TASP1: variants seen among roughly 807,000 people sequenced by gnomAD.
The protein encoded by TASP1 is threonine aspartase 1.
TASP1 carries 16 observed loss-of-function variants against 56.6 expected under a neutral mutation model. The ratio of observed to expected loss-of-function variants is 0.28; its 90% CI spans 0.19 to 0.43. The LOEUF (loss-of-function observed/expected upper bound fraction) is 0.43, where lower values mean the gene tolerates loss of function less well. Among genes scored for constraint, TASP1 ranks in the 20% least tolerant of loss-of-function variants. The pLI is 1.00. For missense variants in TASP1, 393 were observed against 511.6 expected (o/e 0.77, Z 2.24); for synonymous variants, 179 against 184.2 (o/e 0.97, Z 0.23).
chr20:13,374,682 G>A, the TASP1 span, among the ~76,000 whole-genome samples: 2 of 152,094 alleles, frequency 1.3e-5, no homozygotes, highest in African/African-American at 2.4e-5. Flanking sequence ...GACATTTTAG[G>A]TAACATTTTG....
the TASP1 span, among the ~76,000 whole-genome samples, chr20:13,234,472 G>A: frequency 0.025 from 3,840 of 152,236 alleles, 166 homozygotes; most frequent in African/African-American, 0.086. Flanking sequence ...ATATACTCAG[G>A]AGTGGGATTG....
At chr20:13,557,528 G>C in intron 8 of TASP1, among the ~76,000 whole-genome samples, 1 of 143,160 alleles carries the variant, frequency 7.0e-6, no homozygotes, top group East Asian at 2.2e-4. Context: ...TATAAAAACT[G>C]ATTAAATCAT....
chr20:13,550,141 T>C (rs1468360094), intron 8 of TASP1, among the ~76,000 whole-genome samples: 2 of 89,332 alleles, frequency 2.2e-5, no homozygotes, highest in South Asian at 3.1e-4. Flanking sequence ...ATGGAATATA[T>C]ACACATACAC....
chr20:13,323,738 A>T, the TASP1 span, among the ~76,000 whole-genome samples: 1 of 152,090 alleles, frequency 6.6e-6, no homozygotes, highest in Admixed American at 6.5e-5. Context: ...AAATGAGAGT[A>T]TTTAGTATTT....
chr20:13,269,804 ATTGT>A, the TASP1 span, among the ~76,000 whole-genome samples: 7 of 152,084 alleles, frequency 4.6e-5, no homozygotes, highest in African/African-American at 1.4e-4. Context: ...CTATGGATTT[ATTGT>A]TTATTTCCCT....
the TASP1 span, among the ~76,000 whole-genome samples, chr20:13,339,162 G>C: frequency 6.6e-6 from 1 of 152,194 alleles, no homozygotes; most frequent in East Asian, 1.9e-4. Flanking sequence ...ACATCCTGGA[G>C]CATATGCTGT....
intron 1 of TASP1, among the ~76,000 whole-genome samples, chr20:13,631,431 C>T (rs563215150): frequency 2.0e-5 from 3 of 152,242 alleles, no homozygotes; most frequent in African/African-American, 7.2e-5. Flanking sequence ...GCCTCAATTA[C>T]CTTTATTTTC....
chr20:13,305,185 T>C, the TASP1 span, among the ~76,000 whole-genome samples: 6 of 137,126 alleles, frequency 4.4e-5, no homozygotes, highest in Non-Finnish European at 9.2e-5. Context: ...TAGATTTTAA[T>C]ACCGTTGAGT....
At chr20:13,221,219 ACTCCTCCTCCTCCTCCTCCTCCTCCTC>A in the TASP1 span, among the ~76,000 whole-genome samples, 1 of 82,726 alleles carries the variant, frequency 1.2e-5, no homozygotes, top group Admixed American at 1.3e-4. Flanking sequence ...AAGCCCTCCT[ACTCCTCCTCCTCCTCCTCCTCCTCCTC>A]CTCCTCCTCC....
chr20:13,166,542 C>T, the TASP1 span: 1 of 152,116 alleles, frequency 6.6e-6, no homozygotes, highest in Admixed American at 6.5e-5. Context: ...CAACTTTTCT[C>T]AATGAAACTG....
At chr20:13,495,948 A>T (rs1193263247) in intron 10 of TASP1, among the ~76,000 whole-genome samples, 1 of 152,150 alleles carries the variant, frequency 6.6e-6, no homozygotes, top group Non-Finnish European at 1.5e-5. Context: ...TAGATTCCAT[A>T]GGGTCTACAA....
the TASP1 span, among the ~76,000 whole-genome samples, chr20:13,269,493 C>T: frequency 6.6e-6 from 1 of 152,340 alleles, no homozygotes; most frequent in African/African-American, 2.4e-5. Context: ...TCCTCATCAC[C>T]TATGGTTCTT....
chr20:13,301,262 C>T, the TASP1 span, among the ~76,000 whole-genome samples: 1 of 152,166 alleles, frequency 6.6e-6, no homozygotes, highest in Non-Finnish European at 1.5e-5. Flanking sequence ...GATCTTGACT[C>T]ACCACAACTT....
At chr20:13,505,922 A>G (rs1213253123) in intron 10 of TASP1, among the ~76,000 whole-genome samples, 1 of 152,162 alleles carries the variant, frequency 6.6e-6, no homozygotes, top group Admixed American at 6.5e-5. Flanking sequence ...GCAGAAATAA[A>G]TAAAATCAAG....
chr20:13,446,080 A>G (rs2043400237), intron 11 of TASP1, among the ~76,000 whole-genome samples: 1 of 152,182 alleles, frequency 6.6e-6, no homozygotes, highest in African/African-American at 2.4e-5. Context: ...ATCAAGCAGG[A>G]TAAGAGAGAC....
intron 8 of TASP1, among the ~76,000 whole-genome samples, chr20:13,552,147 T>C (rs1436458392): frequency 6.6e-6 from 1 of 152,154 alleles, no homozygotes; most frequent in Non-Finnish European, 1.5e-5. Flanking sequence ...GACAACATGG[T>C]TCAAATTTCA....
intron 12 of TASP1, among the ~76,000 whole-genome samples, chr20:13,428,283 C>G (rs1284635808): frequency 2.6e-5 from 4 of 152,134 alleles, no homozygotes; most frequent in Non-Finnish European, 5.9e-5. Flanking sequence ...ATATACTAAG[C>G]TTGGCTGTTT....
At chr20:13,278,322 AC>A in the TASP1 span, among the ~76,000 whole-genome samples, 5 of 152,210 alleles carry the variant, frequency 3.3e-5, no homozygotes, top group Admixed American at 3.3e-4. Context: ...ATCTGCTCTG[AC>A]CCTAAGGGTT....
At chr20:13,264,987 C>T in the TASP1 span, among the ~76,000 whole-genome samples, 6 of 152,182 alleles carry the variant, frequency 3.9e-5, no homozygotes, top group African/African-American at 1.4e-4. Flanking sequence ...GGACAAGTCA[C>T]AGCGCAGTGT....
Sources: allele counts gnomAD v4.1 joint callset (sites outside exome capture counted in the v4.1 genomes callset), GRCh38; gene constraint gnomAD v4.1.1; transcripts MANE v1.5; gene names NCBI Gene and HGNC (gene_info 2026-07-23, HGNC 2026-07-21).